Variants in BTG4 observed in about 807,000 individuals in gnomAD.
BTG4 encodes the protein BTG anti-proliferation factor 4.
A neutral mutation model predicts 19.3 loss-of-function variants in BTG4; 10 were observed. The observed-to-expected ratio is 0.52, with a 90% CI of 0.32 to 0.88. The LOEUF (loss-of-function observed/expected upper bound fraction) is 0.88, where lower values mean the gene tolerates loss of function less well. BTG4 is among the 40% of genes least tolerant of loss of function. The pLI is 0.04. For synonymous variants in BTG4, 91 were observed against 95.7 expected, an observed-to-expected ratio of 0.95 and a Z score of 0.29; for missense variants, 238 against 281.9, an observed-to-expected ratio of 0.84 and a Z score of 1.11.
At chr11:111,514,401 A>C, upstream of BTG4, 1 of 262,952 alleles carries the variant, frequency 3.8e-6, no homozygotes. Context: ...GTCCCTGGCA[A>C]TCTGGTTTGG....
chr11:111,385,089 T>G, the BTG4 span: 1 of 152,158 alleles, frequency 6.6e-6, no homozygotes, highest in South Asian at 2.1e-4. Context: ...AAAAAAAATT[T>G]TTTTATAACA....
chr11:111,505,698 G>C (rs767721779), intron 1 of BTG4, among the ~76,000 whole-genome samples: 3 of 151,994 alleles, frequency 2.0e-5, no homozygotes, highest in Non-Finnish European at 1.5e-5. Flanking sequence ...ACAACTCACA[G>C]AATGGGAGAA....
At chr11:111,388,285 GTT>G in the BTG4 span, among the ~76,000 whole-genome samples, 1 of 19,612 alleles carries the variant, frequency 5.1e-5, no homozygotes, top group Non-Finnish European at 2.0e-4. Flanking sequence ...GACTCAGTTG[GTT>G]GGTTGGTTGG....
At chr11:111,438,544 T>C in the BTG4 span, among the ~76,000 whole-genome samples, 1 of 152,240 alleles carries the variant, frequency 6.6e-6, no homozygotes, top group Admixed American at 6.5e-5. Flanking sequence ...ATTTTAGTTA[T>C]CTGGGTAAAC....
the BTG4 span, among the ~76,000 whole-genome samples, chr11:111,436,926 C>G: frequency 6.6e-6 from 1 of 152,310 alleles, no homozygotes; most frequent in African/African-American, 2.4e-5. Flanking sequence ...CCCACCATCA[C>G]CCCGCCCCAC....
In BTG4 at chr11:111,498,149, G is replaced by A. The variant is rs1456545785; in HGVS notation, c.174-14C>T. 1.7e-5 allele frequency: 27 copies of A among 1,612,740 alleles called. No homozygotes were observed. Among genetic ancestry groups the A allele is most frequent in the African/African-American group, 4.0e-5 (3 of 74,888 alleles). Reference sequence around the variant, plus strand: ...ATCCTGATGCACCTTTTTAAAAAGCGAAGGGAAACGAAGACATGATGACAG... The same window carrying A: ...ATCCTGATGCACCTTTTTAAAAAGCAAAGGGAAACGAAGACATGATGACAG... On this transcript the variant is annotated splice_polypyrimidine_tract_variant and intron_variant, in intron 2 of 4. Transcript: ENST00000692032.
the BTG4 span, among the ~76,000 whole-genome samples, chr11:111,420,790 G>A: frequency 6.6e-6 from 1 of 152,132 alleles, no homozygotes; most frequent in South Asian, 2.1e-4. Context: ...TGGTTGACAG[G>A]ATAAAAAAAT....
At chr11:111,477,740 A>G (rs1864479499) in intron 5 of BTG4, among the ~76,000 whole-genome samples, 1 of 152,122 alleles carries the variant, frequency 6.6e-6, no homozygotes, top group African/African-American at 2.4e-5. Flanking sequence ...ATAAATACCA[A>G]TGGTAACCAA....
At position 111,497,949 on chromosome 11, in the gene BTG4, CTT is replaced by C. The variant is rs773248666; in HGVS notation, c.311+47_311+48del. ...CATGAAGGTATGTAAAGTTGTCTAA[CTT>C]AAGGTTTCCAGGTATCACACAGCAC... is the stretch of plus-strand genomic sequence containing the variant. On this transcript the variant is annotated intron_variant, in intron 3 of 4. Transcript: ENST00000692032. 27 of 1,587,220 alleles carry C rather than the reference CTT, an allele frequency of 1.7e-5. No individual in the cohort carries two copies. The African/African-American group carries it at 3.5e-4, about 21-fold the overall frequency.
the BTG4 span, among the ~76,000 whole-genome samples, chr11:111,427,186 G>A: frequency 3.3e-5 from 5 of 152,122 alleles, no homozygotes; most frequent in African/African-American, 4.8e-5. Context: ...CATTAAGAAA[G>A]GATCAGTTCT....
chr11:111,430,149 C>A, the BTG4 span, among the ~76,000 whole-genome samples: 4,292 of 152,206 alleles, frequency 0.028, 202 homozygotes, highest in African/African-American at 0.097. Context: ...AAGAAACAAC[C>A]ATGATACAGC....
the BTG4 span, among the ~76,000 whole-genome samples, chr11:111,434,574 T>TA: frequency 0.27 from 40,756 of 149,658 alleles, 6,659 homozygotes; most frequent in African/African-American, 0.46. Context: ...TAATAAATTT[T>TA]AAAAAAAATA....
At chr11:111,453,371 C>A in the BTG4 span, 1 of 427,004 alleles carries the variant, frequency 2.3e-6, no homozygotes, top group South Asian at 1.7e-5. Flanking sequence ...TCCCTCAGCT[C>A]GCCCTTCCCT....
At chr11:111,439,896 T>C in the BTG4 span, among the ~76,000 whole-genome samples, 2 of 152,218 alleles carry the variant, frequency 1.3e-5, no homozygotes, top group African/African-American at 2.4e-5. Flanking sequence ...AAGTTGGTCA[T>C]TGAACTGGTG....
chr11:111,479,347 T>C (rs1304488719), intron 5 of BTG4, among the ~76,000 whole-genome samples: 1 of 152,066 alleles, frequency 6.6e-6, no homozygotes, highest in Non-Finnish European at 1.5e-5. Flanking sequence ...CAGTGACTCA[T>C]GCCTGTAATC....
chr11:111,387,079 G>A, the BTG4 span, among the ~76,000 whole-genome samples: 3 of 152,298 alleles, frequency 2.0e-5, no homozygotes, highest in African/African-American at 7.2e-5. Flanking sequence ...TGATAGGCTA[G>A]TATAGAGTTT....
the BTG4 span, among the ~76,000 whole-genome samples, chr11:111,460,936 C>G: frequency 9.8e-4 from 149 of 152,304 alleles, no homozygotes; most frequent in African/African-American, 2.7e-3. Context: ...CTCCCCCTGT[C>G]TCTCCCACCA....
chr11:111,429,220 G>A, the BTG4 span, among the ~76,000 whole-genome samples: 3 of 151,976 alleles, frequency 2.0e-5, no homozygotes, highest in Non-Finnish European at 4.4e-5. Context: ...TGAGGGAGGC[G>A]CCCCCTACTG....
At chr11:111,410,049 C>G in the BTG4 span, among the ~76,000 whole-genome samples, 1 of 152,188 alleles carries the variant, frequency 6.6e-6, no homozygotes, top group Non-Finnish European at 1.5e-5. Flanking sequence ...AAGTTTTGCA[C>G]TGTTAAGTCA....
Sources: gnomAD v4.1 joint callset for allele counts (sites outside exome capture counted in the v4.1 genomes callset) on GRCh38, gnomAD v4.1.1 for gene constraint, MANE v1.5 for transcripts, NCBI Gene and HGNC (gene_info 2026-07-23, HGNC 2026-07-21) for gene names.